Variants in HCFC2 observed in about 807,000 individuals in gnomAD.
HCFC2 encodes the protein host cell factor C2, also known as host cell factor 2.
A neutral mutation model predicts 89.2 loss-of-function variants in HCFC2; 18 were observed. The observed-to-expected ratio is 0.20, with a 90% CI of 0.14 to 0.30. The LOEUF is 0.30. Among genes scored for constraint, HCFC2 ranks in the 10% least tolerant of loss-of-function variants. The probability of loss-of-function intolerance (pLI) is 1.00; values close to 1 mark genes in which losing one functional copy is unlikely to be tolerated. For missense variants in HCFC2, 578 were observed against 956.1 expected (o/e 0.60, Z 5.21); for synonymous variants, 308 against 335.7 (o/e 0.92, Z 0.90).
rs763943037 is a variant in HCFC2 at position 104,102,946 on chromosome 12, C to CG, written c.2065-13_2065-12insG. On this transcript the variant is annotated splice_polypyrimidine_tract_variant and intron_variant, in intron 14 of 14. Transcript: ENST00000229330. ...TAAGAACCTTTAACCTGTTTTTTCC[C>CG]CCCCCCTTCAAGAATGTTGAAGGTA... 2.5e-6 allele frequency: 4 copies of CG among 1,581,782 alleles called. No homozygotes were observed. Among genetic ancestry groups the CG allele is most frequent in the Non-Finnish European group, 3.5e-6 (4 of 1,159,420 alleles).
intron 9 of HCFC2, 140 bp from the exon 10 acceptor site, chr12:104,093,246 A>G: frequency 1.8e-6 from 1 of 554,844 alleles, no homozygotes; most frequent in South Asian, 3.2e-5. Flanking sequence ...ATAATCCTGT[A>G]GAAATTAATA....
At chr12:104,098,296 G>T in intron 12 of HCFC2, 47 bp from the exon 13 acceptor site, 1 of 1,500,204 alleles carries the variant, frequency 6.7e-7, no homozygotes, top group Non-Finnish European at 9.0e-7. Context: ...GAAATTTTTC[G>T]TATATTCAAT....
intron 9 of HCFC2, among the ~76,000 whole-genome samples, chr12:104,091,185 T>A (rs989627890): frequency 1.3e-5 from 2 of 152,238 alleles, no homozygotes; most frequent in Non-Finnish European, 2.9e-5. Context: ...CGTAGCGTAG[T>A]CTAGAGACTC....
At position 104,066,378 on chromosome 12, in the gene HCFC2, A is replaced by G. The variant is rs973458563; in HGVS notation, c.312+63A>G. The G allele has an allele frequency of 9.8e-6, 12 of 1,226,886 alleles. No individual in the cohort carries two copies. In the South Asian group the frequency reaches 1.7e-4, roughly 17 times the overall value. The allele number at this position is 1,226,886 out of a possible 1,614,324, so 76.0% of individuals were successfully genotyped here. On this transcript the variant is annotated intron_variant, in intron 2 of 14. Transcript: ENST00000229330. ...ATAATGATATTGTTCATAATTTTTC[A>G]AAAGATTGCAACATTACTAACATTG...
At chr12:104,079,413 T>C in intron 3 of HCFC2, 32 bp from the exon 4 acceptor site, 1 of 1,476,830 alleles carries the variant, frequency 6.8e-7, no homozygotes, top group Non-Finnish European at 9.4e-7. Flanking sequence ...ATATATTATC[T>C]GAATGTTTTA....
intron 3 of HCFC2, among the ~76,000 whole-genome samples, chr12:104,077,600 T>C (rs181285933): frequency 8.5e-4 from 128 of 151,344 alleles, no homozygotes; most frequent in Non-Finnish European, 7.8e-4. Flanking sequence ...CTATATACTA[T>C]ACTTTGCTTT....
chr12:104,086,855 C>T lies in HCFC2; in HGVS notation c.1072C>T (p.Pro358Ser). 1 of 1,613,434 alleles carries T rather than the reference C, an allele frequency of 6.2e-7. No homozygotes were observed. Among genetic ancestry groups the T allele is most frequent in the South Asian group, 1.1e-5 (1 of 91,052 alleles). ...DLWYLDTEKP[P>S]APSQVQLIKA... The stretch of plus-strand genomic sequence containing the variant: ...TCATGATTGTTCTATAGAGAAACCA[C>T]CGGCACCATCTCAAGTACAGCTGAT... The change falls in exon 8 of 15, where the codon CCG becomes TCG. Residue 358 changes from proline to serine, a missense_variant. Pro to Ser is a moderately conservative substitution (Grantham distance 74). Around this residue, in one of 4 missense-constraint regions of HCFC2, gnomAD observed 210 missense variants for 251.7 expected, o/e 0.83. Transcript: ENST00000229330.
chr12:104,098,782 C>T (rs1345525551), intron 13 of HCFC2, among the ~76,000 whole-genome samples: 2 of 152,142 alleles, frequency 1.3e-5, no homozygotes, highest in Non-Finnish European at 2.9e-5. Flanking sequence ...AGGCAGATCA[C>T]GAGGTCAGGA....
At position 104,082,774 on chromosome 12, in the gene HCFC2, A is replaced by C; in HGVS notation, c.936A>C (p.Pro312=). 1 of 1,614,062 alleles carries C rather than the reference A, an allele frequency of 6.2e-7. No individual in the cohort carries two copies. Among genetic ancestry groups the C allele is most frequent in the Non-Finnish European group, 8.5e-7 (1 of 1,179,974 alleles). ...AGGAAGATAAAAAAAATTCAAGACC[A>C]AGACCAAGAGCTGGCCACTGTGCTG... ...DSQEDKKNSR[P]RPRAGHCAVA... The change falls in exon 7 of 15, where the codon CCA becomes CCC. Residue 312 remains proline (P), a synonymous_variant. Coordinates refer to ENST00000229330, the MANE Select transcript of HCFC2 (RefSeq NM_013320.3).
rs1306375223 is a variant in HCFC2 at position 104,104,438 on chromosome 12, G to A, written c.*1165G>A. ...CTTTTAGGAATTTCATGGTTCCACT[G>A]CCTATTTAAATCTGGAATTAATATA... On this transcript the variant is annotated 3_prime_UTR_variant, in exon 15 of 15. Transcript: ENST00000229330. The A allele has an allele frequency of 1.3e-5, 2 of 151,976 alleles. No individual in the cohort carries two copies. The highest frequency in any genetic ancestry group is 2.9e-5 in the Non-Finnish European group (2 of 67,870). The allele number at this position is 151,976 out of a possible 1,614,324, so 9.4% of individuals were successfully genotyped here. A position where few individuals can be genotyped will look rare whatever the true frequency, so the allele number is the denominator to read the frequency against.
At chr12:104,094,406 C>A (rs1884116632) in intron 10 of HCFC2, among the ~76,000 whole-genome samples, 2 of 151,960 alleles carry the variant, frequency 1.3e-5, no homozygotes, top group Non-Finnish European at 2.9e-5. Flanking sequence ...TAAAGGGCGA[C>A]AAGAAGAAGG....
At chr12:104,084,456 A>G (rs1313943623) in intron 7 of HCFC2, among the ~76,000 whole-genome samples, 2 of 152,186 alleles carry the variant, frequency 1.3e-5, no homozygotes, top group Non-Finnish European at 2.9e-5. Flanking sequence ...CAGCACATAC[A>G]AGGAGTCTGA....
In HCFC2 at chr12:104,098,326, T is replaced by C; in HGVS notation, c.1741-17T>C. 6.3e-7 allele frequency: 1 copy of C among 1,581,946 alleles called. No homozygotes were observed. Among genetic ancestry groups the C allele is most frequent in the African/African-American group, 1.4e-5 (1 of 72,728 alleles). On this transcript the variant is annotated splice_polypyrimidine_tract_variant and intron_variant, in intron 12 of 14. Coordinates refer to ENST00000229330, the MANE Select transcript of HCFC2 (RefSeq NM_013320.3). The stretch of plus-strand genomic sequence containing the variant: ...TTCAATAAGAGTCTTCATAAATTTT[T>C]TTTTCTCTGAAATTAGAAAGAGACT...
At chr12:104,087,535 G>A (rs1036331727) in intron 8 of HCFC2, among the ~76,000 whole-genome samples, 1 of 148,664 alleles carries the variant, frequency 6.7e-6, no homozygotes, top group African/African-American at 2.5e-5. Context: ...ATTAGGTTTG[G>A]TTTAAGAAAT....
intron 7 of HCFC2, among the ~76,000 whole-genome samples, 190 bp from the exon 8 acceptor site, chr12:104,086,657 G>A (rs1328990394): frequency 8.6e-6 from 1 of 115,858 alleles, no homozygotes; most frequent in African/African-American, 3.1e-5. Context: ...TAAATAAATA[G>A]AATAAGAACC....
chr12:104,065,804 AT>A (rs781036059), intron 1 of HCFC2, among the ~76,000 whole-genome samples: 4 of 152,110 alleles, frequency 2.6e-5, no homozygotes, highest in Non-Finnish European at 5.9e-5. Flanking sequence ...TAAAATAGAG[AT>A]TTTTATACTC....
In HCFC2 at chr12:104,105,071, T is replaced by A. The variant is rs1244119851; in HGVS notation, c.*1798T>A. 1.3e-5 allele frequency: 2 copies of A among 152,090 alleles called. No homozygotes were observed. The highest frequency in any genetic ancestry group is 4.8e-5 in the African/African-American group (2 of 41,466). The allele number at this position is 152,090 out of a possible 1,614,324, so 9.4% of individuals were successfully genotyped here. On this transcript the variant is annotated 3_prime_UTR_variant, in exon 15 of 15. Coordinates refer to ENST00000229330, the MANE Select transcript of HCFC2 (RefSeq NM_013320.3). Reference sequence around the variant, plus strand: ...TCATTATTATGTTTGTAATCATTTGTCTAGCTTCTGTAATGTATCTGATAT... The same window carrying A: ...TCATTATTATGTTTGTAATCATTTGACTAGCTTCTGTAATGTATCTGATAT...
Position 104,095,434 on chromosome 12 carries a change from G to A in HCFC2, c.1537G>A (p.Val513Ile), listed in dbSNP as rs1204424729. 3 of 1,613,588 alleles carry A rather than the reference G, an allele frequency of 1.9e-6. No homozygotes were observed. The highest frequency in any genetic ancestry group is 1.1e-5 in the South Asian group (1 of 91,060). ...AAGAACAGTAATTCCTGAAACATCT[G>A]TATCCAGTACTGTTTCCAGCACACA... is the stretch of plus-strand genomic sequence containing the variant. ...DVRTVIPETS[V>I]SSTVSSTQTM... Residue 513 changes from valine (V) to isoleucine (I), a missense_variant, in exon 11 of 15, where the codon GTA becomes ATA. Transcript: ENST00000229330. The surrounding 1 kb of genome is among the most constrained non-coding windows in gnomAD (Gnocchi z 4.2).
chr12:104,101,970 A>G lies in HCFC2; in HGVS notation c.1881A>G (p.Val627=). 6.3e-7 allele frequency: 1 copy of G among 1,582,962 alleles called. No individual in the cohort carries two copies. ...CTTTTGCATATACTACATTTTAGGT[A>G]GGAAATGCAGATGTACCTGACTACA... is the stretch of plus-strand genomic sequence containing the variant. ...LPKGKQSISK[V]GNADVPDYSL... Residue 627 remains valine, a splice_region_variant and synonymous_variant, in exon 14 of 15, where the codon GTA becomes GTG. Transcript: ENST00000229330.
Sources: gnomAD v4.1 joint callset for allele counts (sites outside exome capture counted in the v4.1 genomes callset) on GRCh38, gnomAD v4.1.1 for gene constraint, gnomAD v4.1.1 regional missense constraint, Gnocchi (gnomAD v3.1) non-coding constraint, MANE v1.5 for transcripts, NCBI Gene and HGNC (gene_info 2026-07-23, HGNC 2026-07-21) for gene names.